CFAP54: variants seen among roughly 807,000 people sequenced by gnomAD.
CFAP54 encodes the protein cilia- and flagella-associated protein 54.
CFAP54 carries 290 observed loss-of-function variants against 370.4 expected under a neutral mutation model. The observed-to-expected ratio is 0.78, with a 90% CI of 0.71 to 0.86. The LOEUF is 0.86. CFAP54 is among the 40% of genes least tolerant of loss of function. The pLI is 0.00. For missense variants in CFAP54, 3,399 were observed against 3,528.7 expected, an observed-to-expected ratio of 0.96 and a Z score of 0.93; for synonymous variants, 1,206 against 1,236.5, an observed-to-expected ratio of 0.98 and a Z score of 0.52.
Position 96,651,639 on chromosome 12 carries a change from G to A in CFAP54, c.4924G>A (p.Ala1642Thr). ...YWTLLQNCCR[A>T]LWNFTQELQI... is the part of the protein sequence containing the mutation. Reference sequence around the variant, plus strand: ...GACTCTGCTTCAGAACTGCTGTCGGGCCTTATGGAACTTTACTCAGGAACT... The same window carrying A: ...GACTCTGCTTCAGAACTGCTGTCGGACCTTATGGAACTTTACTCAGGAACT... Residue 1642 changes from alanine to threonine, a missense_variant, in exon 36 of 68, where the codon GCC (alanine) becomes ACC (threonine). Ala to Thr is a moderately conservative substitution (Grantham distance 58, BLOSUM62 0). Transcript: ENST00000524981. 1 of 1,614,154 alleles carries A rather than the reference G, an allele frequency of 6.2e-7. No homozygotes were observed. The highest frequency in any genetic ancestry group is 1.1e-5 in the South Asian group (1 of 91,082).
intron 48 of CFAP54, among the ~76,000 whole-genome samples, chr12:96,714,521 TA>T (rs983730844): frequency 1.3e-5 from 2 of 152,008 alleles, no homozygotes; most frequent in African/African-American, 4.8e-5. Context: ...AGAGGTCAAA[TA>T]AATGAGGAAG....
In CFAP54 at chr12:96,564,753, G is replaced by T; in HGVS notation, c.2607G>T (p.Trp869Cys). ...AAGATGCAACTTCTACATCTTCATGGGAACTTTTGATGGTAACAGTATTTC... is the reference window on the plus strand; with the variant it reads ...AAGATGCAACTTCTACATCTTCATGTGAACTTTTGATGGTAACAGTATTTC... ...FEKDATSTSSWELLMEAYSLI... is the reference protein window; with the variant it reads ...FEKDATSTSSCELLMEAYSLI... Residue 869 changes from tryptophan to cysteine, a missense_variant, in exon 19 of 68, where the codon TGG (tryptophan) becomes TGT (cysteine). Around this residue, in one of 3 missense-constraint regions of CFAP54, gnomAD observed 2,796 missense variants for 2,869.7 expected, o/e 0.97. Transcript: ENST00000524981. 1 of 610,002 alleles carries T rather than the reference G, an allele frequency of 1.6e-6. No homozygotes were observed. 37.8% of individuals were successfully genotyped at this position (610,002 alleles called of 1,614,324 possible). A position where few individuals can be genotyped will look rare whatever the true frequency, so the allele number is the denominator to read the frequency against.
chr12:96,590,679 G>A (rs556781731), intron 23 of CFAP54, among the ~76,000 whole-genome samples: 4 of 152,296 alleles, frequency 2.6e-5, no homozygotes, highest in South Asian at 2.1e-4. Context: ...GATATTATGC[G>A]ACTTGTGGGG....
At chr12:96,872,908 T>G (rs1244876944) in intron 67 of CFAP54, among the ~76,000 whole-genome samples, 1 of 152,174 alleles carries the variant, frequency 6.6e-6, no homozygotes, top group Non-Finnish European at 1.5e-5. Flanking sequence ...AATGGCTGCC[T>G]ATCCTACAAA....
chr12:96,640,244 A>G (rs142999432), intron 32 of CFAP54, among the ~76,000 whole-genome samples: 2,920 of 152,336 alleles, frequency 0.019, 48 homozygotes, highest in South Asian at 0.068. Context: ...CAGGATACGA[A>G]ATCAATGTGC....
intron 4 of CFAP54, among the ~76,000 whole-genome samples, chr12:96,507,906 C>T (rs1053969642): frequency 6.6e-6 from 1 of 152,004 alleles, no homozygotes; most frequent in African/African-American, 2.4e-5. Flanking sequence ...TTTTTTCAGT[C>T]CAGTGATTAT....
chr12:96,552,246 CAA>C (rs374756712), intron 15 of CFAP54, among the ~76,000 whole-genome samples: 64 of 41,010 alleles, frequency 1.6e-3, no homozygotes, highest in African/African-American at 3.7e-3. Flanking sequence ...AACTACATCT[CAA>C]AAAAAAAAAA....
At chr12:96,603,947 G>A (rs1956272464) in intron 26 of CFAP54, among the ~76,000 whole-genome samples, 1 of 152,152 alleles carries the variant, frequency 6.6e-6, no homozygotes, top group Non-Finnish European at 1.5e-5. Context: ...ACCTTCTGAA[G>A]CCTACTTCTG....
Position 96,554,181 on chromosome 12 carries a change from G to A in CFAP54, c.2155-1G>A. 1 of 1,471,828 alleles carries A rather than the reference G, an allele frequency of 6.8e-7. No homozygotes were observed. The highest frequency in any genetic ancestry group is 1.4e-5 in the South Asian group (1 of 73,712). The allele number at this position is 1,471,828 out of a possible 1,614,324, so 91.2% of individuals were successfully genotyped here. On this transcript the variant is annotated splice_acceptor_variant, in intron 15 of 67. Coordinates refer to ENST00000524981, the MANE Select transcript of CFAP54 (RefSeq NM_001306084.2). LOFTEE classifies it high-confidence loss of function. Reference sequence around the variant, plus strand: ...CTTTTTTGTTTATAAAATTATTTTAGAAAAATCCTGTGGAACAGTTACTTT... The same window carrying A: ...CTTTTTTGTTTATAAAATTATTTTAAAAAAATCCTGTGGAACAGTTACTTT...
rs536629735 is a variant in CFAP54 at position 96,802,746 on chromosome 12, G to A, written c.8851-8990G>A. Among the ~76,000 whole-genome samples, 7 of 152,004 alleles carry A rather than the reference G, an allele frequency of 4.6e-5. No individual in the cohort carries two copies. The South Asian group carries it at 1.0e-3, about 23-fold the overall frequency. On this transcript the variant is annotated intron_variant, in intron 63 of 67. Coordinates refer to ENST00000524981, the MANE Select transcript of CFAP54 (RefSeq NM_001306084.2). ...TGGCTGTTTGCTGCACCTATCAACC[G>A]GTTTGCTGCACCTATCAACCTGTCA...
intron 40 of CFAP54, among the ~76,000 whole-genome samples, chr12:96,680,731 A>G (rs1957259763): frequency 6.6e-6 from 1 of 151,806 alleles, no homozygotes; most frequent in South Asian, 2.1e-4. Context: ...GACTCACATT[A>G]TGTTAAATTA....
chr12:96,724,488 C>G (rs1351100212), intron 50 of CFAP54, among the ~76,000 whole-genome samples: 1 of 152,134 alleles, frequency 6.6e-6, no homozygotes, highest in Admixed American at 6.5e-5. Context: ...TGAGAAGTGT[C>G]TGTTCATATC....
At chr12:96,838,697 T>C (rs1959194398) in intron 66 of CFAP54, among the ~76,000 whole-genome samples, 1 of 152,174 alleles carries the variant, frequency 6.6e-6, no homozygotes, top group African/African-American at 2.4e-5. Context: ...CTAGGGATTA[T>C]GATTCAAGAT....
chr12:96,603,286 C>T (rs1375582131), intron 26 of CFAP54, among the ~76,000 whole-genome samples: 2 of 152,178 alleles, frequency 1.3e-5, no homozygotes, highest in Non-Finnish European at 2.9e-5. Context: ...TATTGTCCCC[C>T]ACTCTCTTCT....
chr12:96,657,785 C>A (rs1327203650), intron 36 of CFAP54, 97 bp from the exon 37 acceptor site: 3 of 895,202 alleles, frequency 3.4e-6, no homozygotes, highest in Non-Finnish European at 5.2e-6. Context: ...CAGTTGAGTT[C>A]TTTTCCATGT....
intron 66 of CFAP54, among the ~76,000 whole-genome samples, chr12:96,850,545 G>A (rs1959511847): frequency 6.6e-6 from 1 of 152,146 alleles, no homozygotes; most frequent in South Asian, 2.1e-4. Context: ...CTGAGAGCCT[G>A]TCTTCCTAGG....
Position 96,554,809 on chromosome 12 carries a change from G to A in CFAP54, c.2410+7G>A, listed in dbSNP as rs1427484452. ...CTTCTGGACAAATTGCAAGGTAGTA[G>A]TCACTAAAGCAAGTAACCATTCTGA... On this transcript the variant is annotated splice_region_variant and intron_variant, in intron 17 of 67. Coordinates refer to ENST00000524981, the MANE Select transcript of CFAP54 (RefSeq NM_001306084.2). The A allele has an allele frequency of 6.5e-7, 1 of 1,528,978 alleles. No individual in the cohort carries two copies. Among genetic ancestry groups the A allele is most frequent in the Non-Finnish European group, 8.8e-7 (1 of 1,142,386 alleles). 94.7% of individuals were successfully genotyped at this position (1,528,978 alleles called of 1,614,324 possible). A position where few individuals can be genotyped will look rare whatever the true frequency, so the allele number is the denominator to read the frequency against.
intron 11 of CFAP54, among the ~76,000 whole-genome samples, chr12:96,535,052 G>GTGT (rs1491302214): frequency 0.012 from 1,533 of 128,862 alleles, 26 homozygotes; most frequent in African/African-American, 0.041. Context: ...GTGTGTGTGT[G>GTGT]TTTATTTATT....
At chr12:96,709,078 A>G (rs1197746321) in intron 48 of CFAP54, among the ~76,000 whole-genome samples, 1 of 152,232 alleles carries the variant, frequency 6.6e-6, no homozygotes, top group Admixed American at 6.5e-5. Flanking sequence ...ACAAAATGGT[A>G]TATTCACACT....
Sources: gnomAD v4.1 joint callset for allele counts (sites outside exome capture counted in the v4.1 genomes callset) on GRCh38, gnomAD v4.1.1 for gene constraint, gnomAD v4.1.1 regional missense constraint, MANE v1.5 for transcripts, NCBI Gene and HGNC (gene_info 2026-07-23, HGNC 2026-07-21) for gene names.